The following ADAMTS2 variants were observed in gnomAD, a reference collection of about 807,000 sequenced individuals.
ADAMTS2 encodes A disintegrin and metalloproteinase with thrombospondin motifs 2.
ADAMTS2 carries 50 observed loss-of-function variants against 123.0 expected under a neutral mutation model. The ratio of observed to expected loss-of-function variants is 0.41; its 90% confidence interval spans 0.32 to 0.51. ADAMTS2 has a LOEUF of 0.51. ADAMTS2 is among the 20% of genes least tolerant of loss of function. The probability of loss-of-function intolerance (pLI) is 0.35; values close to 1 mark genes in which losing one functional copy is unlikely to be tolerated. For missense variants in ADAMTS2, 1,494 were observed against 1,705.2 expected, an observed-to-expected ratio of 0.88 and a Z score of 2.18; for synonymous variants, 678 against 695.4, an observed-to-expected ratio of 0.98 and a Z score of 0.39.
At chr5:179,116,260 A>ACCCCCCCCCCCCCCCCCCCCCCC (rs146306326) in intron 21 of ADAMTS2, among the ~76,000 whole-genome samples, 67 of 93,844 alleles carry the variant, frequency 7.1e-4, no homozygotes, top group Admixed American at 1.3e-3. Flanking sequence ...TGACCACGGC[A>ACCCCCCCCCCCCCCCCCCCCCCC]CCCCCCCCCC....
chr5:179,269,358 C>T lies in ADAMTS2; in HGVS notation c.688+3553G>A, dbSNP rs540999058. ...GACATACCCGAGACTGGGCAACTTA[C>T]AAAAGAAAGAGGTTTATTGGACTTA... On this transcript the variant is annotated intron_variant, in intron 3 of 21. Transcript: ENST00000251582. Among the ~76,000 whole-genome samples the T allele has an allele frequency of 6.6e-5, 10 of 152,094 alleles. No homozygotes were observed. The East Asian group carries it at 1.7e-3, about 26-fold the overall frequency.
chr5:179,315,309 A>T (rs1398599695), intron 2 of ADAMTS2, among the ~76,000 whole-genome samples: 1 of 152,246 alleles, frequency 6.6e-6, no homozygotes, highest in Non-Finnish European at 1.5e-5. Context: ...GCTTCTGGAA[A>T]GCACTGAGGC....
At chr5:179,136,303 C>T (rs1450857319) in intron 12 of ADAMTS2, among the ~76,000 whole-genome samples, 1 of 152,214 alleles carries the variant, frequency 6.6e-6, no homozygotes, top group East Asian at 1.9e-4. Context: ...GCCCGGCTCT[C>T]ACATCCCCGA....
intron 5 of ADAMTS2, among the ~76,000 whole-genome samples, chr5:179,164,727 C>T (rs1307700278): frequency 6.6e-6 from 1 of 152,228 alleles, no homozygotes; most frequent in Non-Finnish European, 1.5e-5. Flanking sequence ...CAAGCCGTAG[C>T]TGGGACCCAT....
chr5:179,193,174 C>G (rs570469297), intron 4 of ADAMTS2, among the ~76,000 whole-genome samples: 9 of 152,288 alleles, frequency 5.9e-5, no homozygotes, highest in East Asian at 3.9e-4. Flanking sequence ...AGGCCCTGTC[C>G]TCGCTGTGCC....
chr5:179,174,691 C>T (rs1452006497), intron 5 of ADAMTS2, among the ~76,000 whole-genome samples: 2 of 152,220 alleles, frequency 1.3e-5, no homozygotes, highest in Non-Finnish European at 2.9e-5. Flanking sequence ...GCACATATGG[C>T]ACTATTTTAA....
At chr5:179,177,824 G>C (rs1413991083) in intron 5 of ADAMTS2, among the ~76,000 whole-genome samples, 1 of 152,244 alleles carries the variant, frequency 6.6e-6, no homozygotes, top group African/African-American at 2.4e-5. Context: ...GCCTGCTAAG[G>C]AGTAATTAAT....
chr5:179,338,329 G>A (rs1215059372), intron 2 of ADAMTS2, among the ~76,000 whole-genome samples: 1 of 152,212 alleles, frequency 6.6e-6, no homozygotes, highest in African/African-American at 2.4e-5. Context: ...GGCCACGGTG[G>A]CTGGCTCACA....
chr5:179,274,504 C>G (rs903768911), intron 2 of ADAMTS2, among the ~76,000 whole-genome samples: 4 of 152,238 alleles, frequency 2.6e-5, no homozygotes, highest in Admixed American at 6.5e-5. Flanking sequence ...GTGGGCAGCC[C>G]CCGGCACCTG....
In ADAMTS2 at chr5:179,199,611, G is replaced by T. The variant is rs1005166805; in HGVS notation, c.891+7902C>A. On this transcript the variant is annotated intron_variant, in intron 4 of 21. Coordinates refer to ENST00000251582, the MANE Select transcript of ADAMTS2 (RefSeq NM_014244.5). ...GGCAGGAAGCTCTCAGACCCCAGTG[G>T]GTGTGCCCTTCCTGCTGGGGGTGCA... 5.5e-4 allele frequency among the ~76,000 whole-genome samples: 84 copies of T among 152,248 alleles called. 1 individual carries two copies. Among genetic ancestry groups the T allele is most frequent in the Non-Finnish European group, 3.4e-4 (23 of 68,002 alleles).
intron 2 of ADAMTS2, among the ~76,000 whole-genome samples, chr5:179,300,119 A>G (rs996492413): frequency 6.7e-6 from 1 of 150,356 alleles, no homozygotes; most frequent in Non-Finnish European, 1.5e-5. Context: ...AAAAAGAAGA[A>G]TCCTTGCCAT....
chr5:179,321,246 A>G (rs1757162930), intron 2 of ADAMTS2, among the ~76,000 whole-genome samples: 1 of 149,956 alleles, frequency 6.7e-6, no homozygotes, highest in Non-Finnish European at 1.5e-5. Context: ...AGGCAGGGCC[A>G]CACACACATC....
At chr5:179,134,778 C>T (rs1293953694) in intron 13 of ADAMTS2, among the ~76,000 whole-genome samples, 3 of 46,190 alleles carry the variant, frequency 6.5e-5, no homozygotes, top group East Asian at 5.2e-4. Context: ...CGGCTCCATC[C>T]CCCAGCTCCC....
chr5:179,224,807 G>A (rs7715542), intron 3 of ADAMTS2, among the ~76,000 whole-genome samples: 3 of 148,428 alleles, frequency 2.0e-5, no homozygotes, highest in Admixed American at 6.6e-5. Flanking sequence ...TGGGTCCCCA[G>A]GTCTGTCTGC....
chr5:179,231,777 C>T (rs184081552), intron 3 of ADAMTS2, among the ~76,000 whole-genome samples: 183 of 151,978 alleles, frequency 1.2e-3, no homozygotes, highest in Non-Finnish European at 2.1e-3. Context: ...TCAGCAGAGG[C>T]AGTGGCTCAC....
intron 3 of ADAMTS2, among the ~76,000 whole-genome samples, chr5:179,210,795 C>T (rs909996228): frequency 7.9e-5 from 12 of 152,254 alleles, no homozygotes; most frequent in Admixed American, 3.3e-4. Flanking sequence ...CAAGACCCGG[C>T]AGTCAGGCTG....
chr5:179,294,346 C>T (rs534087067), intron 2 of ADAMTS2, among the ~76,000 whole-genome samples: 3 of 152,302 alleles, frequency 2.0e-5, no homozygotes, highest in Admixed American at 6.5e-5. Flanking sequence ...ACACGTCCAG[C>T]CAGCCAATTA....
intron 4 of ADAMTS2, among the ~76,000 whole-genome samples, chr5:179,204,515 G>T (rs1331672387): frequency 6.6e-6 from 1 of 152,190 alleles, no homozygotes; most frequent in African/African-American, 2.4e-5. Context: ...CCCCAGCACC[G>T]CGGGAAGCTC....
chr5:179,313,212 A>G (rs1756879487), intron 2 of ADAMTS2, among the ~76,000 whole-genome samples: 2 of 151,378 alleles, frequency 1.3e-5, no homozygotes, highest in Non-Finnish European at 1.5e-5. Context: ...ACACTCATGC[A>G]CACACACACA....
Sources: gnomAD v4.1 joint callset for allele counts (sites outside exome capture counted in the v4.1 genomes callset) on GRCh38, gnomAD v4.1.1 for gene constraint, MANE v1.5 for transcripts, NCBI Gene and HGNC (gene_info 2026-07-23, HGNC 2026-07-21) for gene names.